Variants in CNOT6L observed in about 807,000 individuals in gnomAD.
CNOT6L encodes CCR4-NOT transcription complex subunit 6-like.
In CNOT6L, 7 loss-of-function variants were observed where a neutral mutation model predicts 64.0. That is an observed-to-expected ratio of 0.11 (90% CI 0.06 to 0.21). CNOT6L has a LOEUF of 0.21. Ranked by LOEUF, CNOT6L falls within the 10% of genes least tolerant of loss-of-function variation. CNOT6L has a pLI of 1.00. For synonymous variants in CNOT6L, 193 were observed against 243.4 expected (o/e 0.79, Z 1.93); for missense variants, 245 against 669.0 (o/e 0.37, Z 6.99).
At chr4:77,800,583 A>G (rs1302899518) in intron 1 of CNOT6L, among the ~76,000 whole-genome samples, 2 of 152,248 alleles carry the variant, frequency 1.3e-5, no homozygotes, top group Non-Finnish European at 2.9e-5. Context: ...GAATAGCTGT[A>G]ACAGCCATCC....
intron 4 of CNOT6L, among the ~76,000 whole-genome samples, chr4:77,771,954 T>G (rs1727601416): frequency 6.6e-6 from 1 of 152,248 alleles, no homozygotes. Context: ...AATTCATAAA[T>G]AAACTCTTGT....
upstream of CNOT6L, among the ~76,000 whole-genome samples, chr4:77,820,248 C>T (rs1372795732): frequency 6.6e-6 from 1 of 152,014 alleles, no homozygotes; most frequent in East Asian, 1.9e-4. Flanking sequence ...GGTTGATTGA[C>T]GTGGAGGGGC....
Position 77,718,424 on chromosome 4 carries a change from G to A in CNOT6L, c.*2007C>T, listed in dbSNP as rs1430497883. 1 of 152,564 alleles carries A rather than the reference G, an allele frequency of 6.6e-6. No homozygotes were observed. The highest frequency in any genetic ancestry group is 1.5e-5 in the Non-Finnish European group (1 of 68,026). The allele number at this position is 152,564 out of a possible 1,614,324, so 9.5% of individuals were successfully genotyped here. On this transcript the variant is annotated 3_prime_UTR_variant, in exon 12 of 12. Coordinates refer to ENST00000504123, the MANE Select transcript of CNOT6L (RefSeq NM_144571.3). The stretch of plus-strand genomic sequence containing the variant: ...CATGGCTAGATGTTGGATACTTGAG[G>A]TATATAAGAAGGGAAACCTGCATGT...
At chr4:77,773,881 T>C (rs1195774904) in intron 3 of CNOT6L, among the ~76,000 whole-genome samples, 1 of 152,008 alleles carries the variant, frequency 6.6e-6, no homozygotes, top group Admixed American at 6.5e-5. Context: ...GAGCAGCCTA[T>C]AGGAAAAAAA....
At chr4:77,819,526 C>A, upstream of CNOT6L, 1 of 829,624 alleles carries the variant, frequency 1.2e-6, no homozygotes, top group Non-Finnish European at 1.7e-6. Context: ...GTAACCGGGG[C>A]TCGCGGGCGG....
intron 1 of CNOT6L, among the ~76,000 whole-genome samples, chr4:77,791,506 G>A (rs1001221706): frequency 1.3e-5 from 2 of 151,704 alleles, no homozygotes; most frequent in African/African-American, 4.8e-5. Flanking sequence ...AAAATAAATG[G>A]GTATGTAAAA....
chr4:77,724,643 A>AC (rs1198811038), intron 11 of CNOT6L, among the ~76,000 whole-genome samples: 2 of 151,318 alleles, frequency 1.3e-5, no homozygotes, highest in Admixed American at 6.6e-5. Context: ...CTATCTCAAA[A>AC]AAAAAAAAAA....
intron 1 of CNOT6L, among the ~76,000 whole-genome samples, chr4:77,782,395 C>G (rs2110083832): frequency 1.3e-5 from 2 of 152,214 alleles, no homozygotes; most frequent in East Asian, 3.9e-4. Context: ...GACAGTGGTA[C>G]AATCATAGCT....
intron 1 of CNOT6L, chr4:77,819,016 G>C (rs956027054): frequency 1.2e-5 from 8 of 657,318 alleles, no homozygotes; most frequent in Non-Finnish European, 2.2e-5. Context: ...GGAGGGACAC[G>C]CCACTCTGGG....
chr4:77,738,506 C>G (rs1723212642), intron 8 of CNOT6L, among the ~76,000 whole-genome samples: 1 of 152,274 alleles, frequency 6.6e-6, no homozygotes, highest in African/African-American at 2.4e-5. Context: ...GTAATCCCAG[C>G]ATTTTGGGCG....
intron 2 of CNOT6L, 115 bp from the exon 3 acceptor site, chr4:77,774,831 C>G (rs1727983106): frequency 3.4e-6 from 2 of 588,180 alleles, no homozygotes; most frequent in Non-Finnish European, 5.5e-6. Flanking sequence ...TATTGTATCT[C>G]TGACATTTTA....
chr4:77,751,183 T>C (rs1265319672), intron 5 of CNOT6L, among the ~76,000 whole-genome samples: 1 of 151,884 alleles, frequency 6.6e-6, no homozygotes, highest in African/African-American at 2.4e-5. Context: ...ATCCAGCAAA[T>C]ACAGAGAAAT....
intron 3 of CNOT6L, among the ~76,000 whole-genome samples, chr4:77,774,196 A>G (rs1168291183): frequency 6.6e-6 from 1 of 152,198 alleles, no homozygotes; most frequent in Non-Finnish European, 1.5e-5. Context: ...TAATAGAGAT[A>G]TGTTCTTGTA....
chr4:77,734,532 C>T (rs1414064664), intron 8 of CNOT6L, among the ~76,000 whole-genome samples: 1 of 152,110 alleles, frequency 6.6e-6, no homozygotes, highest in Non-Finnish European at 1.5e-5. Context: ...TTAACTAATG[C>T]CGTAATGAAC....
intron 1 of CNOT6L, among the ~76,000 whole-genome samples, chr4:77,796,908 C>G (rs1338043592): frequency 1.3e-5 from 2 of 151,768 alleles, no homozygotes; most frequent in Non-Finnish European, 2.9e-5. Context: ...TGGCAAAACC[C>G]CATGTCTAAC....
intron 6 of CNOT6L, 55 bp downstream of exon 6, chr4:77,748,261 A>C: frequency 4.2e-6 from 5 of 1,199,392 alleles, no homozygotes; most frequent in Non-Finnish European, 6.2e-6. Context: ...CATGAAGCCC[A>C]AATAACATTT....
intron 7 of CNOT6L, 49 bp from the exon 8 acceptor site, chr4:77,742,344 A>AT: frequency 1.3e-6 from 2 of 1,502,932 alleles, no homozygotes; most frequent in Non-Finnish European, 1.8e-6. Context: ...GAAAATGCTG[A>AT]TTAAGATATA....
chr4:77,791,257 C>G (rs1352872111), intron 1 of CNOT6L, among the ~76,000 whole-genome samples: 1 of 152,182 alleles, frequency 6.6e-6, no homozygotes, highest in East Asian at 1.9e-4. Context: ...GCCTGAGCAA[C>G]AAAGCCAGGC....
In CNOT6L at chr4:77,819,320, G is replaced by A. The variant is rs369622547; in HGVS notation, c.-12C>T. ...ACACTCTACCTCATTCTCTTCCTCT[G>A]GCCCAGAAGCAACAGCAGCCATTTC... On this transcript the variant is annotated 5_prime_UTR_variant, in exon 1 of 12. Coordinates refer to ENST00000504123, the MANE Select transcript of CNOT6L (RefSeq NM_144571.3). 6.2e-7 allele frequency: 1 copy of A among 1,613,528 alleles called. No individual in the cohort carries two copies.
Sources: gnomAD v4.1 joint callset for allele counts (sites outside exome capture counted in the v4.1 genomes callset) on GRCh38, gnomAD v4.1.1 for gene constraint, MANE v1.5 for transcripts, NCBI Gene and HGNC (gene_info 2026-07-23, HGNC 2026-07-21) for gene names.